The following CDC14B variants were observed in gnomAD, a reference collection of about 807,000 sequenced individuals.
The protein encoded by CDC14B is cell division cycle 14B.
In CDC14B, 22 loss-of-function variants were observed where a neutral mutation model predicts 64.2. That is an observed-to-expected ratio of 0.34 (90% CI 0.24 to 0.49). The LOEUF (loss-of-function observed/expected upper bound fraction) is 0.49. Ranked by LOEUF, CDC14B falls within the 20% of genes least tolerant of loss-of-function variation. The pLI, the probability that CDC14B is intolerant of heterozygous loss-of-function variation, is 0.99. For missense variants in CDC14B, 498 were observed against 629.9 expected (o/e 0.79, Z 2.24); for synonymous variants, 191 against 215.8 (o/e 0.89, Z 1.01).
At chr9:96,590,011 A>C (rs1001224399) in intron 1 of CDC14B, among the ~76,000 whole-genome samples, 23 of 152,260 alleles carry the variant, frequency 1.5e-4, no homozygotes, top group Admixed American at 4.6e-4. Context: ...ACAACATAAA[A>C]ATTACCATCT....
At chr9:96,596,164 C>CT (rs913346672) in intron 1 of CDC14B, among the ~76,000 whole-genome samples, 69 of 152,030 alleles carry the variant, frequency 4.5e-4, no homozygotes, top group African/African-American at 1.6e-3. Context: ...GAGTTTGAGA[C>CT]TAGCCTGGCC....
At chr9:96,547,152 T>G (rs181571774) in intron 5 of CDC14B, among the ~76,000 whole-genome samples, 312 of 151,736 alleles carry the variant, frequency 2.1e-3, no homozygotes, top group African/African-American at 7.3e-3. Flanking sequence ...CTATATCAAG[T>G]GTTTGTTTTT....
At chr9:96,512,632 T>A (rs1835071521) in intron 12 of CDC14B, among the ~76,000 whole-genome samples, 1 of 152,230 alleles carries the variant, frequency 6.6e-6, no homozygotes, top group Admixed American at 6.5e-5. Flanking sequence ...TCCCTAAAAA[T>A]TATTTGTTTA....
intron 4 of CDC14B, among the ~76,000 whole-genome samples, chr9:96,553,982 G>A (rs983509285): frequency 6.6e-6 from 1 of 152,110 alleles, no homozygotes; most frequent in Admixed American, 6.5e-5. Context: ...TGGCTAACAC[G>A]GTGAAACCCC....
At chr9:96,507,577 A>C (rs1299796325) in intron 13 of CDC14B, among the ~76,000 whole-genome samples, 2 of 151,846 alleles carry the variant, frequency 1.3e-5, no homozygotes, top group African/African-American at 4.8e-5. Context: ...CACTGCACCC[A>C]GCTAATTTTT....
chr9:96,566,393 T>C (rs955375193), intron 1 of CDC14B, among the ~76,000 whole-genome samples: 6 of 151,580 alleles, frequency 4.0e-5, no homozygotes, highest in African/African-American at 1.5e-4. Flanking sequence ...ATTCAACTCA[T>C]GCAATTACTG....
chr9:96,542,828 A>AT (rs1180502455), intron 5 of CDC14B, among the ~76,000 whole-genome samples: 1 of 150,324 alleles, frequency 6.7e-6, no homozygotes, highest in African/African-American at 2.5e-5. Flanking sequence ...GGCTAAGATG[A>AT]TGAAACCCTG....
exon 14 of CDC14B, chr9:96,490,974 A>G (rs556584769): frequency 6.6e-6 from 1 of 152,250 alleles, no homozygotes; most frequent in Non-Finnish European, 1.5e-5. Context: ...GCTTTTGGTG[A>G]AAGTTTGGGG....
chr9:96,556,651 G>A (rs909973640), intron 4 of CDC14B, among the ~76,000 whole-genome samples: 1 of 152,028 alleles, frequency 6.6e-6, no homozygotes, highest in Non-Finnish European at 1.5e-5. Context: ...GAAGTTCAGA[G>A]TAGCAAACAC....
intron 5 of CDC14B, among the ~76,000 whole-genome samples, chr9:96,545,304 C>A (rs1381664387): frequency 6.6e-6 from 1 of 151,136 alleles, no homozygotes; most frequent in African/African-American, 2.4e-5. Flanking sequence ...ACCATGTCTT[C>A]TCTGTGAAGG....
chr9:96,491,632 C>T (rs923773794), exon 14 of CDC14B: 1 of 152,200 alleles, frequency 6.6e-6, no homozygotes, highest in African/African-American at 2.4e-5. Flanking sequence ...GAAGCTGTCA[C>T]ACTGTCATTT....
intron 12 of CDC14B, among the ~76,000 whole-genome samples, chr9:96,510,663 T>C (rs1020422592): frequency 2.0e-4 from 30 of 151,640 alleles, no homozygotes; most frequent in Non-Finnish European, 1.5e-5. Context: ...TGGAGTGCAG[T>C]GGCGTGATCT....
chr9:96,584,801 G>A (rs902942351), intron 1 of CDC14B, among the ~76,000 whole-genome samples: 11 of 152,026 alleles, frequency 7.2e-5, no homozygotes, highest in South Asian at 2.1e-4. Context: ...TTACAGGTGC[G>A]TTCCACAATG....
intron 3 of CDC14B, among the ~76,000 whole-genome samples, chr9:96,564,006 T>C (rs1012790612): frequency 2.6e-5 from 4 of 152,226 alleles, no homozygotes; most frequent in Non-Finnish European, 5.9e-5. Context: ...AATTTTTAAT[T>C]AAAGCATGTT....
At chr9:96,494,777 C>G (rs1474951711) in intron 13 of CDC14B, among the ~76,000 whole-genome samples, 1 of 112,998 alleles carries the variant, frequency 8.8e-6, no homozygotes, top group Non-Finnish European at 1.9e-5. Flanking sequence ...CCCCTCCCCC[C>G]TCCCGTCCCC....
At chr9:96,521,754 A>G (rs929954921) in intron 12 of CDC14B, among the ~76,000 whole-genome samples, 5 of 152,240 alleles carry the variant, frequency 3.3e-5, no homozygotes, top group African/African-American at 1.2e-4. Context: ...TCCCCGCAAA[A>G]AAGAAGGCTG....
chr9:96,498,226 T>C (rs909717189), downstream of CDC14B, among the ~76,000 whole-genome samples: 1 of 152,152 alleles, frequency 6.6e-6, no homozygotes, highest in African/African-American at 2.4e-5. Context: ...GACGGCAAAG[T>C]TGATGTCACA....
chr9:96,563,866 G>A (rs1038365051), intron 3 of CDC14B, among the ~76,000 whole-genome samples: 1 of 152,044 alleles, frequency 6.6e-6, no homozygotes, highest in East Asian at 1.9e-4. Context: ...ACTGGAAAAA[G>A]GAGGGGGAAC....
chr9:96,565,446 C>G lies in CDC14B; in HGVS notation c.198G>C (p.Lys66Asn). The G allele has an allele frequency of 6.2e-7, 1 of 1,612,314 alleles. No individual in the cohort carries two copies. Among genetic ancestry groups the G allele is most frequent in the South Asian group, 1.1e-5 (1 of 91,010 alleles). Residue 66 changes from lysine to asparagine, a missense_variant, in exon 2 of 14, where the codon AAG becomes AAC. Lys to Asn is a moderately conservative substitution (Grantham distance 94, BLOSUM62 0). Transcript: ENST00000375241. ...TGAAATAATGTACATTTGATGCACT[C>G]TTTGGTCTGCTGTAGAGAATGGCAA... ...LCFAILYSRP[K>N]SASNVHYFSI...
Sources: allele counts gnomAD v4.1 joint callset (sites outside exome capture counted in the v4.1 genomes callset), GRCh38; gene constraint gnomAD v4.1.1; transcripts MANE v1.5; gene names NCBI Gene and HGNC (gene_info 2026-07-23, HGNC 2026-07-21).